ACSL5: variants seen among roughly 807,000 people sequenced by gnomAD.
ACSL5 encodes long-chain-fatty-acid--CoA ligase 5.
ACSL5 carries 50 observed loss-of-function variants against 84.9 expected under a neutral mutation model. The observed-to-expected ratio is 0.59, with a 90% confidence interval of 0.47 to 0.75. ACSL5 has a LOEUF of 0.75. ACSL5 is among the 30% of genes least tolerant of loss of function. The pLI, the probability that ACSL5 is intolerant of heterozygous loss-of-function variation, is 0.00. For synonymous variants in ACSL5, 280 were observed against 300.7 expected (o/e 0.93, Z 0.71); for missense variants, 775 against 830.4 (o/e 0.93, Z 0.82).
intron 11 of ACSL5, chr10:112,412,697 A>G (rs1301343533): frequency 6.5e-6 from 1 of 153,714 alleles, no homozygotes; most frequent in Non-Finnish European, 1.4e-5. Context: ...AAGTAATGAT[A>G]TCTGATTCAT....
chr10:112,410,764 C>T (rs1398300701), intron 9 of ACSL5, 129 bp downstream of exon 9: 4 of 900,096 alleles, frequency 4.4e-6, no homozygotes, highest in Non-Finnish European at 6.7e-6. Flanking sequence ...CAGCCTAAGG[C>T]TTCTAAGTGT....
intron 1 of ACSL5, among the ~76,000 whole-genome samples, chr10:112,378,499 G>A (rs1220258536): frequency 6.6e-6 from 1 of 151,982 alleles, no homozygotes; most frequent in Non-Finnish European, 1.5e-5. Flanking sequence ...TGCCTGCCTA[G>A]GCCTCCCAAA....
intron 18 of ACSL5, 126 bp from the exon 19 acceptor site, chr10:112,426,132 A>G (rs1017472347): frequency 4.4e-6 from 3 of 684,390 alleles, no homozygotes; most frequent in Non-Finnish European, 7.6e-6. Flanking sequence ...AAAGAACACT[A>G]GTACTGGATT....
chr10:112,390,992 T>C (rs531518299), intron 1 of ACSL5, among the ~76,000 whole-genome samples: 1 of 152,358 alleles, frequency 6.6e-6, no homozygotes, highest in South Asian at 2.1e-4. Context: ...ATGTAATGGT[T>C]GCACAACATT....
intron 1 of ACSL5, among the ~76,000 whole-genome samples, chr10:112,388,627 A>C (rs1430315573): frequency 6.6e-6 from 1 of 152,224 alleles, no homozygotes; most frequent in Non-Finnish European, 1.5e-5. Context: ...TCAGAGACAC[A>C]GCAGTAAACA....
chr10:112,376,527 C>T (rs1849242997), intron 1 of ACSL5: 4 of 1,579,436 alleles, frequency 2.5e-6, no homozygotes, highest in Middle Eastern at 1.7e-4. Flanking sequence ...GGCATCCTGA[C>T]CCCCGACTTT....
At chr10:112,382,061 T>C (rs532677925) in intron 1 of ACSL5, among the ~76,000 whole-genome samples, 1 of 152,336 alleles carries the variant, frequency 6.6e-6, no homozygotes, top group African/African-American at 2.4e-5. Context: ...GAATTGGCTT[T>C]ATCTTCTACT....
intron 3 of ACSL5, among the ~76,000 whole-genome samples, chr10:112,400,406 C>CTTTTTTTTTTTTT (rs573644087): frequency 2.1e-3 from 205 of 98,822 alleles, no homozygotes; most frequent in Non-Finnish European, 2.5e-3. Flanking sequence ...TTTTTCTTTT[C>CTTTTTTTTTTTTT]TTTTTTTTTT....
chr10:112,391,325 A>G, intron 1 of ACSL5, among the ~76,000 whole-genome samples: 1 of 151,742 alleles, frequency 6.6e-6, no homozygotes, highest in South Asian at 2.1e-4. Context: ...AGCCGAGATC[A>G]TACCACTGCA....
chr10:112,376,416 TA>T, intron 1 of ACSL5: 1 of 1,614,012 alleles, frequency 6.2e-7, no homozygotes. Flanking sequence ...CCCCATTCAC[TA>T]GAAGCACTGA....
intron 3 of ACSL5, among the ~76,000 whole-genome samples, chr10:112,401,768 CTTTCTT>C (rs1327581579): frequency 1.3e-5 from 2 of 152,018 alleles, no homozygotes; most frequent in Admixed American, 1.3e-4. Context: ...TCCTTTCTTT[CTTTCTT>C]TTTCTTTCTT....
At chr10:112,422,497 T>A in intron 17 of ACSL5, 56 bp downstream of exon 17, 1 of 1,515,732 alleles carries the variant, frequency 6.6e-7, no homozygotes, top group Non-Finnish European at 9.1e-7. Flanking sequence ...AGAAGAACAA[T>A]CTGCTTATAG....
At chr10:112,422,252 G>T (rs1844482331) in intron 16 of ACSL5, 73 bp from the exon 17 acceptor site, 1 of 1,287,184 alleles carries the variant, frequency 7.8e-7, no homozygotes, top group Non-Finnish European at 1.1e-6. Context: ...AGGGGAGCAG[G>T]TGTTTCATAA....
chr10:112,394,647 G>A (rs1843706228), intron 1 of ACSL5: 2 of 794,938 alleles, frequency 2.5e-6, no homozygotes, highest in Non-Finnish European at 3.0e-6. Flanking sequence ...TTTGGGAAAT[G>A]ATTAACTTGT....
intron 12 of ACSL5, among the ~76,000 whole-genome samples, chr10:112,415,611 A>G (rs1329723172): frequency 6.6e-6 from 1 of 152,232 alleles, no homozygotes; most frequent in Admixed American, 6.5e-5. Flanking sequence ...TCTTGGAGAC[A>G]GATTATGACA....
chr10:112,388,024 C>T (rs991828108), intron 1 of ACSL5, among the ~76,000 whole-genome samples: 7 of 146,786 alleles, frequency 4.8e-5, no homozygotes, highest in Admixed American at 2.1e-4. Context: ...CTGCAACTTC[C>T]GCCTCCCAGG....
At position 112,376,566 on chromosome 10, in the gene ACSL5, C is replaced by G. The variant is rs1257110998; in HGVS notation, c.-30+2297C>G. The G allele has an allele frequency of 4.3e-6, 6 of 1,409,120 alleles. No homozygotes were observed. The East Asian group carries it at 1.2e-4, about 28-fold the overall frequency. The allele number at this position is 1,409,120 out of a possible 1,614,324, so 87.3% of individuals were successfully genotyped here. ...TAAGCGACTTAGAATCAAGGGCCGG[C>G]TGAGTTCCACGGGCACATCATGCTG... On this transcript the variant is annotated intron_variant, in intron 1 of 20. Transcript: ENST00000354655.
chr10:112,421,772 C>T, intron 15 of ACSL5, 107 bp downstream of exon 15: 1 of 1,367,044 alleles, frequency 7.3e-7, no homozygotes, highest in South Asian at 1.2e-5. Flanking sequence ...ACTAATGTGG[C>T]AAATGCAAAA....
rs778039441 is a variant in ACSL5 at position 112,417,922 on chromosome 10, G to A, written c.1295G>A (p.Arg432Gln). Residue 432 changes from arginine (R) to glutamine (Q), a missense_variant, in exon 14 of 21, where the codon CGG (arginine) becomes CAG (glutamine). By Grantham distance (43) the Arg-to-Gln change is conservative (BLOSUM62 1). Transcript: ENST00000354655. ...PMSTSVMTFFRAAMGCQVYEA... is the reference protein window; with the variant it reads ...PMSTSVMTFFQAAMGCQVYEA... ...TCCACTTCAGTCATGACATTCTTCC[G>A]GGCAGCAATGGGATGTCAGGTAAGC... The A allele has an allele frequency of 1.1e-5, 17 of 1,608,790 alleles. No homozygotes were observed. Among genetic ancestry groups the A allele is most frequent in the South Asian group, 7.7e-5 (7 of 90,454 alleles).
Sources: allele counts gnomAD v4.1 joint callset (sites outside exome capture counted in the v4.1 genomes callset), GRCh38; gene constraint gnomAD v4.1.1; transcripts MANE v1.5; gene names NCBI Gene and HGNC (gene_info 2026-07-23, HGNC 2026-07-21).